Variants in MNS1 observed in about 807,000 individuals in gnomAD.
The protein encoded by MNS1 is meiosis specific nuclear structural 1, also known as meiosis-specific nuclear structural protein 1.
Under a neutral mutation model 72.0 loss-of-function variants are expected in MNS1, and 63 were observed. The observed-to-expected ratio is 0.87, with a 90% confidence interval of 0.71 to 1.08. The LOEUF (loss-of-function observed/expected upper bound fraction) is 1.08, where lower values mean the gene tolerates loss of function less well. Among genes scored for constraint, MNS1 ranks in the 50% least tolerant of loss-of-function variants. MNS1 has a pLI of 0.00. For missense variants in MNS1, 604 were observed against 562.4 expected (o/e 1.07, Z -0.75); for synonymous variants, 188 against 172.1 (o/e 1.09, Z -0.72).
intron 7 of MNS1, among the ~76,000 whole-genome samples, chr15:56,435,650 A>T (rs1399250538): frequency 1.3e-5 from 2 of 152,172 alleles, no homozygotes; most frequent in African/African-American, 4.8e-5. Context: ...GAATAGTCCT[A>T]TCACTATTAA....
In MNS1 at chr15:56,464,010, G is replaced by T; in HGVS notation, c.225+16C>A. 1 of 1,579,858 alleles carries T rather than the reference G, an allele frequency of 6.3e-7. No individual in the cohort carries two copies. The highest frequency in any genetic ancestry group is 1.2e-5 in the South Asian group (1 of 86,652). On this transcript the variant is annotated intron_variant, in intron 2 of 9. Coordinates refer to ENST00000260453, the MANE Select transcript of MNS1 (RefSeq NM_018365.4). ...GCAAAATGAAAAAAAAAGTAACAAT[G>T]AATAGTAAAACTTACCTTTTGAATG...
At chr15:56,454,095 T>C (rs1466168962) in intron 3 of MNS1, among the ~76,000 whole-genome samples, 1 of 444 alleles carries the variant, frequency 2.3e-3, no homozygotes, top group Admixed American at 0.12. Flanking sequence ...AGAGGAGGCA[T>C]ACTCTGTGAA....
rs1555449667 is a variant in MNS1 at position 56,460,009 on chromosome 15, A to ATATATATATATATAT, written c.226-3489_226-3488insATATATATATATATA. 1.5e-4 allele frequency among the ~76,000 whole-genome samples: 4 copies of ATATATATATATATAT among 26,406 alleles called. 1 individual carries two copies. Among genetic ancestry groups the ATATATATATATATAT allele is most frequent in the Non-Finnish European group, 2.8e-4 (4 of 14,316 alleles). 17.3% of individuals were successfully genotyped at this position (26,406 alleles called of 152,430 possible). ...CTGTCTCAAAAAAAAAAAAAAAAAA[A>ATATATATATATATAT]ATACATATATATATATATATATATA... On this transcript the variant is annotated intron_variant, in intron 2 of 9. Transcript: ENST00000260453.
intron 3 of MNS1, 175 bp from the exon 4 acceptor site, chr15:56,447,118 G>C: frequency 1.9e-6 from 1 of 529,036 alleles, no homozygotes; most frequent in Non-Finnish European, 3.4e-6. Flanking sequence ...TAGGGCATTA[G>C]GGCTTACATT....
chr15:56,438,454 A>AAGG (rs1301041002), intron 7 of MNS1, among the ~76,000 whole-genome samples: 11 of 152,176 alleles, frequency 7.2e-5, no homozygotes, highest in African/African-American at 1.9e-4. Context: ...TAGAAAGCTG[A>AAGG]AACTGGATCC....
In MNS1 at chr15:56,429,081, T is replaced by C. The variant is rs1469516450; in HGVS notation, c.*20A>G. 6.6e-7 allele frequency: 1 copy of C among 1,514,840 alleles called. No homozygotes were observed. 93.8% of individuals were successfully genotyped at this position (1,514,840 alleles called of 1,614,324 possible). On this transcript the variant is annotated 3_prime_UTR_variant, in exon 10 of 10. Transcript: ENST00000260453. The stretch of plus-strand genomic sequence containing the variant: ...GTGGTAACATGCAAAAAATCTATGC[T>C]TTACCCAATTTTGATGATATCATTT...
In MNS1 at chr15:56,460,009, A is replaced by AAAAAAAAAAAAATAT; in HGVS notation, c.226-3489_226-3488insATATTTTTTTTTTTT. Among the ~76,000 whole-genome samples the AAAAAAAAAAAAATAT allele has an allele frequency of 1.4e-3, 37 of 26,380 alleles. 7 individuals carry two copies. Among genetic ancestry groups the AAAAAAAAAAAAATAT allele is most frequent in the African/African-American group, 3.5e-3 (23 of 6,648 alleles). 17.3% of individuals were successfully genotyped at this position (26,380 alleles called of 152,430 possible). The stretch of plus-strand genomic sequence containing the variant: ...CTGTCTCAAAAAAAAAAAAAAAAAA[A>AAAAAAAAAAAAATAT]ATACATATATATATATATATATATA... On this transcript the variant is annotated intron_variant, in intron 2 of 9. Coordinates refer to ENST00000260453, the MANE Select transcript of MNS1 (RefSeq NM_018365.4).
intron 2 of MNS1, 118 bp downstream of exon 2, chr15:56,463,908 C>T (rs776852474): frequency 1.3e-6 from 1 of 791,554 alleles, no homozygotes; most frequent in Non-Finnish European, 2.0e-6. Flanking sequence ...GAGGCACAAT[C>T]AGGCATCACT....
At chr15:56,441,858 C>T (rs1352919459) in intron 7 of MNS1, among the ~76,000 whole-genome samples, 1 of 151,584 alleles carries the variant, frequency 6.6e-6, no homozygotes, top group Non-Finnish European at 1.5e-5. Flanking sequence ...ACTAAAAATA[C>T]AAAAGAAAAA....
chr15:56,451,878 ATTTTT>A (rs113523896), intron 3 of MNS1, among the ~76,000 whole-genome samples: 1 of 151,816 alleles, frequency 6.6e-6, no homozygotes, highest in African/African-American at 2.4e-5. Context: ...GATTGCCTAG[ATTTTT>A]TTTTATTACT....
Position 56,444,594 on chromosome 15 carries a change from T to C in MNS1, c.536A>G (p.Lys179Arg). The C allele has an allele frequency of 6.2e-7, 1 of 1,613,450 alleles. No individual in the cohort carries two copies. The highest frequency in any genetic ancestry group is 8.5e-7 in the Non-Finnish European group (1 of 1,179,624). ...GTACTGTGCTTTCGCTTTGTTTCGTTTGTCTTCTGCAGCATTCTCTTCCTT... is the reference window on the plus strand; with the variant it reads ...GTACTGTGCTTTCGCTTTGTTTCGTCTGTCTTCTGCAGCATTCTCTTCCTT... ...IIKEENAAEDKRNKAKAQYYL... is the reference protein window; with the variant it reads ...IIKEENAAEDRRNKAKAQYYL... Residue 179 changes from lysine to arginine, a missense_variant, in exon 5 of 10, where the codon AAA becomes AGA. By Grantham distance (26) the Lys-to-Arg change is conservative (BLOSUM62 2). Transcript: ENST00000260453.
chr15:56,460,453 T>C (rs542379649), intron 2 of MNS1, among the ~76,000 whole-genome samples: 3 of 152,252 alleles, frequency 2.0e-5, no homozygotes, highest in Middle Eastern at 6.8e-3. Flanking sequence ...GGTCCTCAAG[T>C]AGCAAAAACA....
chr15:56,447,755 G>A (rs1305283898), intron 3 of MNS1: 3 of 152,090 alleles, frequency 2.0e-5, no homozygotes, highest in Non-Finnish European at 4.4e-5. Flanking sequence ...CCACAATCAA[G>A]ATCATGAACA....
Position 56,460,010 on chromosome 15 carries a change from AT to A in MNS1, c.226-3490del, listed in dbSNP as rs869282224. 5.0e-3 allele frequency among the ~76,000 whole-genome samples: 136 copies of A among 27,394 alleles called. 14 individuals carry two copies. The highest frequency in any genetic ancestry group is 7.2e-3 in the Non-Finnish European group (99 of 13,800). The allele number at this position is 27,394 out of a possible 152,430, so 18.0% of individuals were successfully genotyped here. ...TGTCTCAAAAAAAAAAAAAAAAAAA[AT>A]ACATATATATATATATATATATATG... is the stretch of plus-strand genomic sequence containing the variant. On this transcript the variant is annotated intron_variant, in intron 2 of 9. Coordinates refer to ENST00000260453, the MANE Select transcript of MNS1 (RefSeq NM_018365.4).
chr15:56,434,434 C>A, intron 7 of MNS1, 39 bp from the exon 8 acceptor site: 1 of 1,558,688 alleles, frequency 6.4e-7, no homozygotes, highest in South Asian at 1.2e-5. Context: ...GTAACTATTT[C>A]CTTACACCAG....
intron 3 of MNS1, among the ~76,000 whole-genome samples, chr15:56,453,584 G>C (rs1231453667): frequency 6.6e-6 from 1 of 151,502 alleles, no homozygotes; most frequent in East Asian, 1.9e-4. Context: ...TGAGGTACTT[G>C]CTTTTGCTTT....
chr15:56,460,009 A>AAAAAAAAAAAAAAAATATATAT, intron 2 of MNS1, among the ~76,000 whole-genome samples: 1 of 26,406 alleles, frequency 3.8e-5, no homozygotes, highest in African/African-American at 1.5e-4. Context: ...AAAAAAAAAA[A>AAAAAAAAAAAAAAAATATATAT]ATACATATAT....
At chr15:56,449,709 G>A (rs1191053461) in intron 3 of MNS1, among the ~76,000 whole-genome samples, 1 of 152,170 alleles carries the variant, frequency 6.6e-6, no homozygotes, top group East Asian at 1.9e-4. Flanking sequence ...TGTGGACAAG[G>A]TTAAATTACA....
chr15:56,447,754 A>C (rs1456768138), intron 3 of MNS1: 3 of 152,150 alleles, frequency 2.0e-5, no homozygotes, highest in Admixed American at 2.0e-4. Context: ...ACCACAATCA[A>C]GATCATGAAC....
Sources: allele counts gnomAD v4.1 joint callset (sites outside exome capture counted in the v4.1 genomes callset), GRCh38; gene constraint gnomAD v4.1.1; transcripts MANE v1.5; gene names NCBI Gene and HGNC (gene_info 2026-07-23, HGNC 2026-07-21).